Variants in MEGF10 observed in about 807,000 individuals in gnomAD.
MEGF10 encodes the protein multiple epidermal growth factor-like domains protein 10.
A neutral mutation model predicts 147.5 loss-of-function variants in MEGF10; 86 were observed. The observed-to-expected ratio is 0.58, with a 90% CI of 0.49 to 0.70. The LOEUF (loss-of-function observed/expected upper bound fraction) is 0.70, where lower values mean the gene tolerates loss of function less well. Ranked by LOEUF, MEGF10 falls within the 30% of genes least tolerant of loss-of-function variation. The probability of loss-of-function intolerance (pLI) is 0.00; values close to 1 mark genes in which losing one functional copy is unlikely to be tolerated. For missense variants in MEGF10, 1,329 were observed against 1,487.3 expected (o/e 0.89, Z 1.75); for synonymous variants, 478 against 525.5 (o/e 0.91, Z 1.24).
At chr5:127,374,078 G>A (rs1472253473) in intron 5 of MEGF10, among the ~76,000 whole-genome samples, 1 of 152,216 alleles carries the variant, frequency 6.6e-6, no homozygotes, top group Non-Finnish European at 1.5e-5. Flanking sequence ...GGAGCGGTAT[G>A]CTAGAGAAGC....
intron 13 of MEGF10, among the ~76,000 whole-genome samples, chr5:127,430,285 A>G (rs1765349623): frequency 6.6e-6 from 1 of 152,218 alleles, no homozygotes; most frequent in African/African-American, 2.4e-5. Flanking sequence ...ACAAAGAAAC[A>G]AAAAGATGTT....
chr5:127,415,186 A>G (rs1272145634), intron 9 of MEGF10, among the ~76,000 whole-genome samples: 1 of 152,198 alleles, frequency 6.6e-6, no homozygotes, highest in East Asian at 1.9e-4. Context: ...TGGCCAGATG[A>G]TGAGGCCCCA....
chr5:127,361,510 T>TTTTTA (rs1051233228), intron 4 of MEGF10, among the ~76,000 whole-genome samples: 1 of 152,056 alleles, frequency 6.6e-6, no homozygotes, highest in African/African-American at 2.4e-5. Flanking sequence ...GCTTTTCTGT[T>TTTTTA]TTTTATTTTA....
intron 1 of MEGF10, among the ~76,000 whole-genome samples, chr5:127,328,237 A>T (rs546004461): frequency 7.2e-5 from 11 of 152,292 alleles, no homozygotes; most frequent in African/African-American, 2.6e-4. Flanking sequence ...AATTTGCATG[A>T]TCCTTGCCTC....
chr5:127,400,524 A>G (rs941950201), intron 7 of MEGF10, among the ~76,000 whole-genome samples: 43 of 152,146 alleles, frequency 2.8e-4, no homozygotes, highest in African/African-American at 9.9e-4. Flanking sequence ...TTCATTTCCT[A>G]TACTCAGCCT....
At chr5:127,239,697 T>G in the MEGF10 span, among the ~76,000 whole-genome samples, 2 of 151,990 alleles carry the variant, frequency 1.3e-5, no homozygotes, top group South Asian at 4.2e-4. Context: ...CAGCATTGAT[T>G]GTTGTTGGCG....
chr5:127,313,918 TG>T (rs1760409196), intron 1 of MEGF10, among the ~76,000 whole-genome samples: 1 of 152,216 alleles, frequency 6.6e-6, no homozygotes, highest in Non-Finnish European at 1.5e-5. Context: ...CAAGACTTTC[TG>T]GGATGATACA....
intron 1 of MEGF10, among the ~76,000 whole-genome samples, chr5:127,301,676 T>C (rs1253252626): frequency 6.6e-6 from 1 of 152,222 alleles, no homozygotes; most frequent in African/African-American, 2.4e-5. Context: ...GGCAGGCTAC[T>C]CAAGCTCTCT....
chr5:127,272,401 G>T, the MEGF10 span, among the ~76,000 whole-genome samples: 1 of 152,056 alleles, frequency 6.6e-6, no homozygotes, highest in Admixed American at 6.5e-5. Context: ...AATTTCCTTG[G>T]CTACTCAGGC....
At chr5:127,247,437 G>C in the MEGF10 span, among the ~76,000 whole-genome samples, 20 of 109,756 alleles carry the variant, frequency 1.8e-4, 3 homozygotes, top group South Asian at 1.2e-3. Flanking sequence ...AGAAGAAGAA[G>C]AAGAAGAAGA....
the MEGF10 span, among the ~76,000 whole-genome samples, chr5:127,264,113 A>G: frequency 5.3e-5 from 8 of 152,250 alleles, no homozygotes; most frequent in African/African-American, 1.2e-4. Flanking sequence ...TTAGGCCCAG[A>G]TGACCTCACC....
chr5:127,255,855 C>G, the MEGF10 span, among the ~76,000 whole-genome samples: 1 of 152,114 alleles, frequency 6.6e-6, no homozygotes, highest in Non-Finnish European at 1.5e-5. Flanking sequence ...GTTGGAGCTC[C>G]CATTTGTTGG....
chr5:127,320,721 T>C (rs995055517), intron 1 of MEGF10, among the ~76,000 whole-genome samples: 9 of 152,226 alleles, frequency 5.9e-5, no homozygotes, highest in South Asian at 2.1e-4. Flanking sequence ...CCTCGCATTT[T>C]GCCTCAAATC....
At chr5:127,351,753 C>A (rs752932894) in intron 4 of MEGF10, among the ~76,000 whole-genome samples, 1 of 152,178 alleles carries the variant, frequency 6.6e-6, no homozygotes, top group Non-Finnish European at 1.5e-5. Context: ...CTTCACACTA[C>A]ACATGGAATG....
chr5:127,258,888 C>T, the MEGF10 span, among the ~76,000 whole-genome samples: 1 of 152,128 alleles, frequency 6.6e-6, no homozygotes. Flanking sequence ...ACAAACTACC[C>T]AGTCTATGGT....
chr5:127,411,550 C>CTG (rs141746321), intron 9 of MEGF10, among the ~76,000 whole-genome samples: 3,335 of 149,556 alleles, frequency 0.022, 89 homozygotes, highest in African/African-American at 0.066. Flanking sequence ...AGTTTGCACT[C>CTG]TGTGTGTGTG....
upstream of MEGF10, among the ~76,000 whole-genome samples, chr5:127,289,824 A>C (rs2127021217): frequency 6.6e-6 from 1 of 152,276 alleles, no homozygotes; most frequent in South Asian, 2.1e-4. Flanking sequence ...GCCTGGTAGG[A>C]GATGGTTACC....
chr5:127,371,070 G>A (rs1229646627), intron 5 of MEGF10, among the ~76,000 whole-genome samples: 4 of 151,996 alleles, frequency 2.6e-5, no homozygotes, highest in Non-Finnish European at 5.9e-5. Flanking sequence ...TACTTGTTTC[G>A]GACTTGTGAT....
intron 13 of MEGF10, among the ~76,000 whole-genome samples, chr5:127,423,512 G>C (rs1765102116): frequency 6.6e-6 from 1 of 152,160 alleles, no homozygotes; most frequent in African/African-American, 2.4e-5. Flanking sequence ...TAATGTACGA[G>C]GGTTCCATTT....
Sources: gnomAD v4.1 joint callset for allele counts (sites outside exome capture counted in the v4.1 genomes callset) on GRCh38, gnomAD v4.1.1 for gene constraint, MANE v1.5 for transcripts, NCBI Gene and HGNC (gene_info 2026-07-23, HGNC 2026-07-21) for gene names.